The following GRM3 variants were observed in gnomAD, a reference collection of about 807,000 sequenced individuals.
GRM3 encodes metabotropic glutamate receptor 3.
A neutral mutation model predicts 70.5 loss-of-function variants in GRM3; 26 were observed. The ratio of observed to expected loss-of-function variants is 0.37; its 90% CI spans 0.27 to 0.51. The LOEUF (loss-of-function observed/expected upper bound fraction) is 0.51. Among genes scored for constraint, GRM3 ranks in the 20% least tolerant of loss-of-function variants. The probability of loss-of-function intolerance (pLI) is 0.93; values close to 1 mark genes in which losing one functional copy is unlikely to be tolerated. For synonymous variants in GRM3, 443 were observed against 434.9 expected (o/e 1.02, Z -0.23); for missense variants, 859 against 1,123.8 (o/e 0.76, Z 3.37).
rs61140551 is a variant in GRM3 at position 86,782,329 on chromosome 7, G to GT, written c.469-3920dup. Among the ~76,000 whole-genome samples, 602 of 141,672 alleles carry GT rather than the reference G, an allele frequency of 4.2e-3. 3 individuals are homozygous for GT. Among genetic ancestry groups the GT allele is most frequent in the Middle Eastern group, 0.011 (3 of 266 alleles). The allele number at this position is 141,672 out of a possible 152,430, so 92.9% of individuals were successfully genotyped here. ...ACTCCATTCATCTGATTATGGGGTG[G>GT]TTTTTTTTTTTTGTATTCTCTCCTA... On this transcript the variant is annotated intron_variant, in intron 2 of 5. Transcript: ENST00000361669.
rs1465764905 is a variant in GRM3, at chr7:86,787,115, G to A, written c.1323G>A (p.Thr441=). Residue 441 remains threonine, a splice_region_variant and synonymous_variant, in exon 3 of 6, where the codon ACG becomes ACA. Transcript: ENST00000361669. ...ATTACTTGCTGAAAATCAACTTCAC[G>A]GGTAAGCCAAGAGCCTTTAAACATC... is the stretch of plus-strand genomic sequence containing the variant. ...YKDYLLKINF[T]APFNPNKDAD... The A allele has an allele frequency of 2.5e-6, 4 of 1,597,886 alleles. No homozygotes were observed. The highest frequency in any genetic ancestry group is 2.2e-5 in the East Asian group (1 of 44,564).
chr7:86,831,173 A>G (rs1397550931), intron 3 of GRM3, among the ~76,000 whole-genome samples: 1 of 152,220 alleles, frequency 6.6e-6, no homozygotes, highest in Non-Finnish European at 1.5e-5. Context: ...GTAGAAAGTA[A>G]GATAGTGATT....
At chr7:86,667,970 A>G (rs555419392) in intron 1 of GRM3, among the ~76,000 whole-genome samples, 1 of 152,212 alleles carries the variant, frequency 6.6e-6, no homozygotes, top group East Asian at 1.9e-4. Context: ...TTGGGTAGCT[A>G]ATCAAAGCTC....
At chr7:86,802,446 A>G (rs1797703172) in intron 3 of GRM3, among the ~76,000 whole-genome samples, 1 of 152,158 alleles carries the variant, frequency 6.6e-6, no homozygotes, top group South Asian at 2.1e-4. Context: ...TAGTTGTTAT[A>G]ATGTAATTGT....
chr7:86,653,157 C>T (rs1438209738), intron 1 of GRM3, among the ~76,000 whole-genome samples: 2 of 152,208 alleles, frequency 1.3e-5, no homozygotes, highest in African/African-American at 4.8e-5. Context: ...GCTCCCATAG[C>T]TGGGAGGAAG....
chr7:86,717,821 A>G (rs1196007291), intron 1 of GRM3, among the ~76,000 whole-genome samples: 3 of 152,010 alleles, frequency 2.0e-5, no homozygotes, highest in African/African-American at 7.2e-5. Context: ...CTGCAGCACT[A>G]TTGATTTCAA....
chr7:86,713,893 C>T (rs971664656), intron 1 of GRM3, among the ~76,000 whole-genome samples: 5 of 151,944 alleles, frequency 3.3e-5, no homozygotes, highest in South Asian at 2.1e-4. Context: ...CTACTGGGTT[C>T]GGAGCTCTAT....
In GRM3 at chr7:86,767,851, G is replaced by A. The variant is rs111517500; in HGVS notation, c.468+2238G>A. The stretch of plus-strand genomic sequence containing the variant: ...CTCTTTTACTACCTATTTACTTCCT[G>A]GAAGAAGTCAGACTAGTTTAGAGGA... On this transcript the variant is annotated intron_variant, in intron 2 of 5. Coordinates refer to ENST00000361669, the MANE Select transcript of GRM3 (RefSeq NM_000840.3). Among the ~76,000 whole-genome samples, 78 of 152,000 alleles carry A rather than the reference G, an allele frequency of 5.1e-4. 3 individuals carry two copies. The highest frequency in any genetic ancestry group is 1.8e-3 in the African/African-American group (75 of 41,480).
intron 3 of GRM3, among the ~76,000 whole-genome samples, chr7:86,809,484 T>TGGG (rs897549748): frequency 1.3e-5 from 2 of 152,058 alleles, no homozygotes; most frequent in Non-Finnish European, 2.9e-5. Flanking sequence ...TCTAATTGTG[T>TGGG]GACTTCAGGC....
intron 1 of GRM3, among the ~76,000 whole-genome samples, chr7:86,664,233 T>A (rs916320992): frequency 6.6e-6 from 1 of 151,792 alleles, no homozygotes. Context: ...AGTTATGGGA[T>A]TTTTTTTATT....
intron 3 of GRM3, among the ~76,000 whole-genome samples, chr7:86,798,492 C>G (rs927376295): frequency 2.0e-5 from 3 of 152,168 alleles, no homozygotes; most frequent in Non-Finnish European, 4.4e-5. Flanking sequence ...TCATTTTGGC[C>G]TACTTTTCCC....
intron 1 of GRM3, among the ~76,000 whole-genome samples, chr7:86,717,393 C>A (rs573962411): frequency 3.6e-4 from 55 of 152,044 alleles, no homozygotes; most frequent in Admixed American, 1.7e-3. Context: ...TTACTGCCTA[C>A]AATATGATAG....
intron 3 of GRM3, among the ~76,000 whole-genome samples, chr7:86,789,932 T>C (rs1175038904): frequency 6.6e-6 from 1 of 152,218 alleles, no homozygotes; most frequent in African/African-American, 2.4e-5. Flanking sequence ...AGCTATGCCT[T>C]GCTAAAGATT....
At chr7:86,770,641 A>G (rs1207543290) in intron 2 of GRM3, among the ~76,000 whole-genome samples, 2 of 152,108 alleles carry the variant, frequency 1.3e-5, no homozygotes, top group Non-Finnish European at 2.9e-5. Flanking sequence ...GTCAATTTGT[A>G]TTAAGCATTG....
At chr7:86,654,700 A>C (rs802431) in intron 1 of GRM3, among the ~76,000 whole-genome samples, 102,597 of 152,028 alleles carry the variant, frequency 0.67, 34,980 homozygotes, top group East Asian at 0.87. Flanking sequence ...CCTACCACTG[A>C]CAAAACCTTA....
At chr7:86,789,647 T>A (rs1417209920) in intron 3 of GRM3, among the ~76,000 whole-genome samples, 1 of 152,198 alleles carries the variant, frequency 6.6e-6, no homozygotes, top group Non-Finnish European at 1.5e-5. Context: ...AACAGTCTGT[T>A]CAATTAGGCT....
intron 1 of GRM3, among the ~76,000 whole-genome samples, chr7:86,682,717 T>C (rs974090490): frequency 1.3e-5 from 2 of 152,202 alleles, no homozygotes; most frequent in African/African-American, 4.8e-5. Flanking sequence ...CAAGCATTTT[T>C]TTAATCCAAT....
At chr7:86,669,388 A>C (rs1313403268) in intron 1 of GRM3, among the ~76,000 whole-genome samples, 1 of 152,234 alleles carries the variant, frequency 6.6e-6, no homozygotes, top group African/African-American at 2.4e-5. Flanking sequence ...AGCTTCTGCT[A>C]TCAAGAGCGC....
intron 3 of GRM3, among the ~76,000 whole-genome samples, chr7:86,833,788 C>A (rs185209618): frequency 6.6e-6 from 1 of 152,270 alleles, no homozygotes; most frequent in East Asian, 1.9e-4. Context: ...ATCTTTATTA[C>A]AAGCTAAGGA....
Sources: allele counts gnomAD v4.1 joint callset (sites outside exome capture counted in the v4.1 genomes callset), GRCh38; gene constraint gnomAD v4.1.1; transcripts MANE v1.5; gene names NCBI Gene and HGNC (gene_info 2026-07-23, HGNC 2026-07-21).